Variants in MRPL3 observed in about 807,000 individuals in gnomAD.
MRPL3 encodes the protein large ribosomal subunit protein uL3m.
Under a neutral mutation model 44.3 loss-of-function variants are expected in MRPL3, and 43 were observed. The ratio of observed to expected loss-of-function variants is 0.97; its 90% CI spans 0.76 to 1.25. MRPL3 has a LOEUF of 1.25. MRPL3 is among the 50% of genes most tolerant of loss of function. The pLI is 0.00. For missense variants in MRPL3, 406 were observed against 427.6 expected (o/e 0.95, Z 0.45); for synonymous variants, 171 against 152.3 (o/e 1.12, Z -0.91).
At chr3:131,476,275 C>A (rs149481138) in intron 6 of MRPL3, among the ~76,000 whole-genome samples, 2 of 152,128 alleles carry the variant, frequency 1.3e-5, no homozygotes, top group Admixed American at 1.3e-4. Flanking sequence ...AATAACATGA[C>A]AAATTATTGG....
At chr3:131,488,523 C>T (rs1934180158) in intron 5 of MRPL3, 1 of 151,966 alleles carries the variant, frequency 6.6e-6, no homozygotes, top group South Asian at 2.1e-4. Flanking sequence ...TTATAGGGCA[C>T]TTACAAATAT....
chr3:131,477,445 T>C (rs1933878293), intron 6 of MRPL3, among the ~76,000 whole-genome samples: 2 of 152,216 alleles, frequency 1.3e-5, no homozygotes, highest in Middle Eastern at 3.2e-3. Flanking sequence ...CAATTACTCT[T>C]TGGATTTCAC....
chr3:131,479,076 GTT>G, intron 6 of MRPL3: 1 of 495,022 alleles, frequency 2.0e-6, no homozygotes, highest in South Asian at 1.5e-5. Flanking sequence ...TCCAAATTAA[GTT>G]TTCTTTTTTT....
At chr3:131,482,371 T>G (rs918284728) in intron 6 of MRPL3, among the ~76,000 whole-genome samples, 1 of 151,902 alleles carries the variant, frequency 6.6e-6, no homozygotes, top group African/African-American at 2.4e-5. Flanking sequence ...AAAAAATTAG[T>G]TGGGCGTGGT....
intron 6 of MRPL3, 173 bp from the exon 7 acceptor site, chr3:131,471,452 T>G: frequency 3.5e-6 from 2 of 564,808 alleles, no homozygotes; most frequent in South Asian, 4.5e-5. Context: ...TTCCTTTATC[T>G]CTGTCTTGGT....
At chr3:131,486,934 C>A (rs1245839647) in intron 6 of MRPL3, among the ~76,000 whole-genome samples, 1 of 152,062 alleles carries the variant, frequency 6.6e-6, no homozygotes. Context: ...ACCATTTGAC[C>A]CAGCAATCCC....
chr3:131,500,410 G>T lies in MRPL3; in HGVS notation c.369+20C>A. 7 of 1,579,516 alleles carry T rather than the reference G, an allele frequency of 4.4e-6. No homozygotes were observed. The highest frequency in any genetic ancestry group is 5.2e-6 in the Non-Finnish European group (6 of 1,149,192). On this transcript the variant is annotated intron_variant, in intron 3 of 9. Transcript: ENST00000264995. ...CTTGAAACACATAGATATCTCTTAC[G>T]TCTTCTGTTTCTCTCTTACCTGAAG... is the stretch of plus-strand genomic sequence containing the variant.
intron 6 of MRPL3, among the ~76,000 whole-genome samples, chr3:131,476,587 T>C (rs1244294893): frequency 6.6e-6 from 1 of 152,164 alleles, no homozygotes; most frequent in Non-Finnish European, 1.5e-5. Context: ...AGAGGAAAGC[T>C]TAAAGTGGAA....
chr3:131,486,447 T>A (rs1381624494), intron 6 of MRPL3, among the ~76,000 whole-genome samples: 8 of 149,322 alleles, frequency 5.4e-5, no homozygotes, highest in South Asian at 2.1e-4. Context: ...GAGAAAAATT[T>A]TTTTTTTTTT....
intron 5 of MRPL3, among the ~76,000 whole-genome samples, chr3:131,488,351 A>G (rs1236350783): frequency 6.6e-6 from 1 of 152,218 alleles, no homozygotes; most frequent in Admixed American, 6.5e-5. Context: ...AACGTTTACA[A>G]AACTAGTTGT....
chr3:131,481,865 A>C (rs1375324782), intron 6 of MRPL3, among the ~76,000 whole-genome samples: 1 of 152,350 alleles, frequency 6.6e-6, no homozygotes, highest in African/African-American at 2.4e-5. Context: ...AAAATGAAAT[A>C]AAACTGAAAA....
chr3:131,466,623 C>G (rs1328288933), intron 9 of MRPL3, among the ~76,000 whole-genome samples: 2 of 143,838 alleles, frequency 1.4e-5, no homozygotes, highest in Non-Finnish European at 3.0e-5. Flanking sequence ...TTGATGATTC[C>G]AATTTTTACC....
chr3:131,470,169 C>A (rs530092792), intron 7 of MRPL3, among the ~76,000 whole-genome samples: 2 of 152,198 alleles, frequency 1.3e-5, no homozygotes, highest in African/African-American at 4.8e-5. Flanking sequence ...TCATCCATAC[C>A]ACTGGTGCTG....
At chr3:131,480,968 T>G (rs1933971889) in intron 6 of MRPL3, among the ~76,000 whole-genome samples, 1 of 152,186 alleles carries the variant, frequency 6.6e-6, no homozygotes, top group African/African-American at 2.4e-5. Context: ...CCCCACAAGT[T>G]AAGCCACTTG....
At chr3:131,502,454 C>G (rs917732516) in intron 1 of MRPL3, among the ~76,000 whole-genome samples, 4 of 152,208 alleles carry the variant, frequency 2.6e-5, no homozygotes, top group African/African-American at 9.6e-5. Flanking sequence ...ATACACTTAG[C>G]AGAGCGCTTA....
intron 6 of MRPL3, chr3:131,478,969 A>T: frequency 2.8e-6 from 1 of 355,036 alleles, no homozygotes; most frequent in South Asian, 2.2e-5. Flanking sequence ...CTGGGATTAC[A>T]GGTGTGAGCC....
intron 5 of MRPL3, among the ~76,000 whole-genome samples, chr3:131,489,619 T>C (rs936344193): frequency 1.3e-5 from 2 of 152,142 alleles, no homozygotes; most frequent in Non-Finnish European, 2.9e-5. Flanking sequence ...CCTTCTGTTA[T>C]TATATTTTCT....
At chr3:131,493,280 C>A (rs1237533565) in intron 4 of MRPL3, among the ~76,000 whole-genome samples, 1 of 152,210 alleles carries the variant, frequency 6.6e-6, no homozygotes, top group Non-Finnish European at 1.5e-5. Context: ...ACTCTTCACA[C>A]TGGGAAATAT....
chr3:131,502,055 C>T, intron 1 of MRPL3: 2 of 678,390 alleles, frequency 2.9e-6, no homozygotes, highest in Non-Finnish European at 4.9e-6. Flanking sequence ...GTGGAGGTGG[C>T]AGAAGGTGGC....
Sources: allele counts gnomAD v4.1 joint callset (sites outside exome capture counted in the v4.1 genomes callset), GRCh38; gene constraint gnomAD v4.1.1; transcripts MANE v1.5; gene names NCBI Gene and HGNC (gene_info 2026-07-23, HGNC 2026-07-21).